SGK3: variants seen among roughly 807,000 people sequenced by gnomAD.
The protein encoded by SGK3 is serum/glucocorticoid regulated kinase family member 3, also known as serine/threonine-protein kinase Sgk3.
In SGK3, 47 loss-of-function variants were observed where a neutral mutation model predicts 68.5. The ratio of observed to expected loss-of-function variants is 0.69; its 90% CI spans 0.54 to 0.87. The LOEUF (loss-of-function observed/expected upper bound fraction) is 0.87, where lower values mean the gene tolerates loss of function less well. Ranked by LOEUF, SGK3 falls within the 40% of genes least tolerant of loss-of-function variation. SGK3 has a pLI of 0.00. For missense variants in SGK3, 479 were observed against 575.5 expected, an observed-to-expected ratio of 0.83 and a Z score of 1.72; for synonymous variants, 181 against 189.1, an observed-to-expected ratio of 0.96 and a Z score of 0.35.
At chr8:66,805,801 GTAACTGGTTAAACTGA>G (rs1234245057) in intron 4 of SGK3, among the ~76,000 whole-genome samples, 1 of 152,168 alleles carries the variant, frequency 6.6e-6, no homozygotes, top group Admixed American at 6.5e-5. Flanking sequence ...TTGTAACCTT[GTAACTGGTTAAACTGA>G]TAATACCTCA....
At chr8:66,716,226 T>C (rs1804626653) in intron 1 of SGK3, among the ~76,000 whole-genome samples, 1 of 152,120 alleles carries the variant, frequency 6.6e-6, no homozygotes, top group Admixed American at 6.6e-5. Flanking sequence ...TGGAGAAAAG[T>C]GGTAAATCTA....
chr8:66,750,381 C>G (rs942098375), intron 1 of SGK3, among the ~76,000 whole-genome samples: 3 of 152,052 alleles, frequency 2.0e-5, no homozygotes, highest in African/African-American at 7.2e-5. Context: ...TTTGCCCCAG[C>G]CTGAGCCAGG....
At chr8:66,847,625 C>A (rs1051526243) in intron 15 of SGK3, among the ~76,000 whole-genome samples, 4 of 152,106 alleles carry the variant, frequency 2.6e-5, no homozygotes, top group Non-Finnish European at 5.9e-5. Context: ...AATTCCCCTC[C>A]CCTTCTTTTT....
chr8:66,847,404 A>G, intron 15 of SGK3, 56 bp downstream of exon 15: 6 of 1,593,086 alleles, frequency 3.8e-6, no homozygotes, highest in Non-Finnish European at 4.3e-6. Context: ...AAATTTGGAA[A>G]TAAAGCTTTA....
At chr8:66,790,623 T>C (rs1807409423) in intron 1 of SGK3, 1 of 152,222 alleles carries the variant, frequency 6.6e-6, no homozygotes, top group African/African-American at 2.4e-5. Flanking sequence ...CTGTAAGAGA[T>C]GAAGGGCTCG....
chr8:66,744,533 T>TG lies in SGK3; in HGVS notation c.-122+31700_-122+31701insG, dbSNP rs1563605852. Reference sequence around the variant, plus strand: ...TATATATATATATTTTTTTTTTTTTTTTTTTTTTTTTTAGATGGAGTCTCA... The same window carrying TG: ...TATATATATATATTTTTTTTTTTTTTGTTTTTTTTTTTTAGATGGAGTCTCA... On this transcript the variant is annotated intron_variant, in intron 1 of 16. Transcript: ENST00000521198. Among the ~76,000 whole-genome samples, 781 of 122,974 alleles carry TG rather than the reference T, an allele frequency of 6.4e-3. 24 individuals are homozygous for TG. The highest frequency in any genetic ancestry group is 0.022 in the African/African-American group (746 of 34,174). The allele number at this position is 122,974 out of a possible 152,430, so 80.7% of individuals were successfully genotyped here.
At chr8:66,835,723 G>A in intron 8 of SGK3, 40 bp from the exon 9 acceptor site, 1 of 1,570,730 alleles carries the variant, frequency 6.4e-7, no homozygotes, top group Non-Finnish European at 8.6e-7. Context: ...ATCAAAATTT[G>A]AAATTTCTAA....
chr8:66,800,459 A>G (rs978844852), intron 3 of SGK3, among the ~76,000 whole-genome samples: 3 of 147,282 alleles, frequency 2.0e-5, no homozygotes, highest in Non-Finnish European at 4.4e-5. Context: ...ATATGTATAC[A>G]TGTGCCATGT....
intron 5 of SGK3, among the ~76,000 whole-genome samples, chr8:66,819,694 G>A (rs1808731168): frequency 6.6e-6 from 1 of 152,148 alleles, no homozygotes; most frequent in South Asian, 2.1e-4. Context: ...TGGTAAGATT[G>A]AAAATCCCCA....
chr8:66,739,001 A>C (rs536820501), intron 1 of SGK3, among the ~76,000 whole-genome samples: 1 of 152,244 alleles, frequency 6.6e-6, no homozygotes, highest in East Asian at 1.9e-4. Context: ...CCAAAACTGA[A>C]ATGCTTGCCT....
intron 1 of SGK3, among the ~76,000 whole-genome samples, chr8:66,765,393 T>C (rs893862825): frequency 1.3e-5 from 2 of 152,246 alleles, no homozygotes; most frequent in African/African-American, 4.8e-5. Flanking sequence ...TTGACCACTT[T>C]AAATTGGATT....
intron 1 of SGK3, among the ~76,000 whole-genome samples, chr8:66,789,834 T>C (rs1807363493): frequency 6.6e-6 from 1 of 152,080 alleles, no homozygotes; most frequent in South Asian, 2.1e-4. Context: ...TCCCAGCACT[T>C]TGGGAGACTG....
At chr8:66,822,764 G>A (rs1808897088) in intron 6 of SGK3, among the ~76,000 whole-genome samples, 3 of 151,894 alleles carry the variant, frequency 2.0e-5, no homozygotes, top group Admixed American at 6.6e-5. Flanking sequence ...GATTACAGGC[G>A]CCTGCCACCA....
At chr8:66,736,315 C>T (rs527563337) in intron 1 of SGK3, among the ~76,000 whole-genome samples, 47 of 152,124 alleles carry the variant, frequency 3.1e-4, no homozygotes, top group African/African-American at 1.1e-3. Context: ...ACAGCAATTA[C>T]TTACATAACA....
intron 3 of SGK3, among the ~76,000 whole-genome samples, chr8:66,802,108 C>G (rs1461269676): frequency 6.6e-6 from 1 of 151,504 alleles, no homozygotes; most frequent in East Asian, 1.9e-4. Flanking sequence ...TTTCATTGTT[C>G]TTATTTCATC....
intron 6 of SGK3, 96 bp from the exon 7 acceptor site, chr8:66,828,558 A>G (rs1332106803): frequency 6.4e-7 from 1 of 1,565,372 alleles, no homozygotes; most frequent in African/African-American, 1.4e-5. Flanking sequence ...AACAAACCAA[A>G]TATTTGTGGT....
At chr8:66,787,274 T>G (rs1157869824) in intron 1 of SGK3, among the ~76,000 whole-genome samples, 1 of 152,178 alleles carries the variant, frequency 6.6e-6, no homozygotes, top group East Asian at 1.9e-4. Flanking sequence ...TAGTGCATGA[T>G]GAGCACTCAA....
Position 66,831,235 on chromosome 8 carries a change from T to C in SGK3, c.468-19T>C. ...TTCCAATTTCTAGGAGGCTAATTCT[T>C]ATTGTTAATTTATTTCAGTGCCAAA... On this transcript the variant is annotated intron_variant, in intron 7 of 16. Transcript: ENST00000521198. 1 of 1,613,328 alleles carries C rather than the reference T, an allele frequency of 6.2e-7. No individual in the cohort carries two copies. Among genetic ancestry groups the C allele is most frequent in the East Asian group, 2.2e-5 (1 of 44,872 alleles).
intron 1 of SGK3, among the ~76,000 whole-genome samples, chr8:66,786,310 A>G (rs1294171272): frequency 6.6e-6 from 1 of 152,178 alleles, no homozygotes; most frequent in Non-Finnish European, 1.5e-5. Flanking sequence ...AAGTCAGACC[A>G]CCTGGGTTCA....
Sources: gnomAD v4.1 joint callset for allele counts (sites outside exome capture counted in the v4.1 genomes callset) on GRCh38, gnomAD v4.1.1 for gene constraint, MANE v1.5 for transcripts, NCBI Gene and HGNC (gene_info 2026-07-23, HGNC 2026-07-21) for gene names.